OR51B5: variants seen among roughly 807,000 people sequenced by gnomAD.
OR51B5 encodes olfactory receptor 51B5.
For missense variants in OR51B5, 456 were observed against 374.6 expected (o/e 1.22, Z -1.79); for synonymous variants, 186 against 144.8 (o/e 1.28, Z -2.04).
chr11:5,403,621 C>T (rs537919171), intron 1 of OR51B5: 2 of 408,630 alleles, frequency 4.9e-6, no homozygotes, highest in Admixed American at 5.4e-5. Context: ...CCCTAGATTG[C>T]ATGTTATGCG....
At chr11:5,498,216 C>T (rs1851677158) in intron 1 of OR51B5, among the ~76,000 whole-genome samples, 1 of 152,152 alleles carries the variant, frequency 6.6e-6, no homozygotes, top group South Asian at 2.1e-4. Flanking sequence ...GTCACCCTTC[C>T]CTAAACCCCT....
chr11:5,477,596 G>T (rs1186239053), intron 1 of OR51B5, among the ~76,000 whole-genome samples: 2 of 152,212 alleles, frequency 1.3e-5, no homozygotes, highest in African/African-American at 2.4e-5. Flanking sequence ...TTCCATCTGA[G>T]GTACCGGGTT....
At chr11:5,343,603 C>A, upstream of OR51B5, 3 of 586,722 alleles carry the variant, frequency 5.1e-6, no homozygotes, top group South Asian at 4.8e-5. Flanking sequence ...GGTATCACTT[C>A]GACTATATCA....
intron 1 of OR51B5, chr11:5,454,204 A>C: frequency 6.5e-7 from 1 of 1,535,602 alleles, no homozygotes; most frequent in Non-Finnish European, 9.0e-7. Flanking sequence ...AAAGCTCTCA[A>C]CACATGTGTG....
At chr11:5,442,888 ACT>A (rs1850712240) in intron 1 of OR51B5, among the ~76,000 whole-genome samples, 2 of 152,144 alleles carry the variant, frequency 1.3e-5, no homozygotes, top group Admixed American at 1.3e-4. Flanking sequence ...TACAGTTAAC[ACT>A]GTCTTTAACT....
intron 1 of OR51B5, among the ~76,000 whole-genome samples, chr11:5,357,668 C>A (rs1247418255): frequency 6.6e-6 from 1 of 151,022 alleles, no homozygotes; most frequent in Non-Finnish European, 1.5e-5. Flanking sequence ...AACTCTCCAC[C>A]CCAAATCAAC....
chr11:5,488,154 T>C (rs1270600185), intron 1 of OR51B5, among the ~76,000 whole-genome samples: 3 of 152,154 alleles, frequency 2.0e-5, no homozygotes, highest in African/African-American at 7.2e-5. Context: ...AGGTTACGGT[T>C]GCATAAAGAC....
chr11:5,493,017 A>G (rs182475713), intron 1 of OR51B5, among the ~76,000 whole-genome samples: 75 of 152,306 alleles, frequency 4.9e-4, no homozygotes, highest in African/African-American at 1.7e-3. Context: ...CATCAGTCTG[A>G]TCCACCGTTG....
chr11:5,505,410 C>A lies in OR51B5; in HGVS notation n.84+159G>T, dbSNP rs1362424761. 2.3e-6 allele frequency: 3 copies of A among 1,304,222 alleles called. No individual in the cohort carries two copies. In the East Asian group the frequency reaches 1.7e-4, roughly 72 times the overall value. The allele number at this position is 1,304,222 out of a possible 1,614,324, so 80.8% of individuals were successfully genotyped here. A position where few individuals can be genotyped will look rare whatever the true frequency, so the allele number is the denominator to read the frequency against. ...TCCTCTTCATTTCCCCTAGCACCAC[C>A]ATAAACAATAGGTTTTTCTTTAATC... On this transcript the variant is annotated intron_variant and non_coding_transcript_variant, in intron 1 of 4. Coordinates refer to the OR51B5 transcript ENST00000415970.
chr11:5,487,352 A>G (rs934981658), intron 1 of OR51B5, among the ~76,000 whole-genome samples: 8 of 152,180 alleles, frequency 5.3e-5, no homozygotes, highest in African/African-American at 1.9e-4. Context: ...GTCAACCACA[A>G]AATTTTGTGA....
chr11:5,489,325 C>T, intron 1 of OR51B5: 1 of 1,614,038 alleles, frequency 6.2e-7, no homozygotes, highest in East Asian at 2.2e-5. Flanking sequence ...AACTGTGGCT[C>T]TGCTGGCCAT....
At chr11:5,412,631 G>T (rs890698762) in intron 1 of OR51B5, among the ~76,000 whole-genome samples, 1 of 152,224 alleles carries the variant, frequency 6.6e-6, no homozygotes, top group Non-Finnish European at 1.5e-5. Context: ...TGCCCACCAG[G>T]AGATTATATC....
intron 1 of OR51B5, among the ~76,000 whole-genome samples, chr11:5,387,325 T>C (rs983658102): frequency 1.3e-5 from 2 of 152,082 alleles, no homozygotes; most frequent in African/African-American, 4.8e-5. Flanking sequence ...CTCCATTGCA[T>C]TTGGCCCCTA....
At position 5,353,668 on chromosome 11, in the gene OR51B5, G is replaced by A. The variant is rs143768576; in HGVS notation, n.85-6758C>T. ...AGTTTTAAATTAATTTTAAAAGAAAGATATTCTTTTGACCAAAATACAGGG... is the reference window on the plus strand; with the variant it reads ...AGTTTTAAATTAATTTTAAAAGAAAAATATTCTTTTGACCAAAATACAGGG... On this transcript the variant is annotated intron_variant and non_coding_transcript_variant, in intron 1 of 4. Coordinates refer to the OR51B5 transcript ENST00000415970. Among the ~76,000 whole-genome samples, 1,039 of 152,296 alleles carry A rather than the reference G, an allele frequency of 6.8e-3. 9 individuals are homozygous for A. Among genetic ancestry groups the A allele is most frequent in the African/African-American group, 0.024 (985 of 41,566 alleles).
chr11:5,476,505 G>A (rs959600147), intron 1 of OR51B5, among the ~76,000 whole-genome samples: 2 of 152,172 alleles, frequency 1.3e-5, no homozygotes, highest in African/African-American at 4.8e-5. Flanking sequence ...CCAAAAAATA[G>A]TCACTGGATG....
chr11:5,389,989 A>G, intron 1 of OR51B5: 1 of 1,612,856 alleles, frequency 6.2e-7, no homozygotes, highest in Middle Eastern at 1.6e-4. Context: ...AGGAAGTGAT[A>G]CAGCTGGCCT....
rs571013885 is a variant in OR51B5 at position 5,358,412 on chromosome 11, T to C, written n.85-11502A>G. 3.9e-5 allele frequency among the ~76,000 whole-genome samples: 6 copies of C among 152,132 alleles called. No individual in the cohort carries two copies. In the East Asian group the frequency reaches 5.8e-4, roughly 15 times the overall value. The stretch of plus-strand genomic sequence containing the variant: ...ATCTAGAAGAAATGGATAAATTCCT[T>C]GACACATACACCCTCCCAAGACTAA... On this transcript the variant is annotated intron_variant and non_coding_transcript_variant, in intron 1 of 4. Transcript: ENST00000415970.
chr11:5,360,094 C>T (rs1282892915), intron 1 of OR51B5, among the ~76,000 whole-genome samples: 19 of 151,996 alleles, frequency 1.3e-4, no homozygotes, highest in Non-Finnish European at 2.8e-4. Context: ...GCAAGGACTT[C>T]ATGTCTAAAA....
At chr11:5,369,070 A>T (rs1849414018) in intron 1 of OR51B5, among the ~76,000 whole-genome samples, 1 of 152,200 alleles carries the variant, frequency 6.6e-6, no homozygotes, top group Non-Finnish European at 1.5e-5. Context: ...TTGAAGCAGA[A>T]TCTGTGATAG....
Sources: allele counts gnomAD v4.1 joint callset (sites outside exome capture counted in the v4.1 genomes callset), GRCh38; gene constraint gnomAD v4.1.1; transcripts MANE v1.5; gene names NCBI Gene and HGNC (gene_info 2026-07-23, HGNC 2026-07-21).